Variants in ZNF614 observed in about 807,000 individuals in gnomAD.
ZNF614 encodes zinc finger protein 614.
In ZNF614, 11 loss-of-function variants were observed where a neutral mutation model predicts 12.8. The observed-to-expected ratio is 0.86, with a 90% CI of 0.54 to 1.43. The LOEUF (loss-of-function observed/expected upper bound fraction) is 1.43, where lower values mean the gene tolerates loss of function less well. ZNF614 is among the 40% of genes most tolerant of loss of function. The pLI is 0.00. For missense variants in ZNF614, 664 were observed against 708.8 expected (o/e 0.94, Z 0.72); for synonymous variants, 237 against 237.5 (o/e 1.00, Z 0.02).
rs1318701340 is a variant in ZNF614, at chr19:52,018,121, C to CA, written c.143-19dup. 1 of 1,599,354 alleles carries CA rather than the reference C, an allele frequency of 6.3e-7. No individual in the cohort carries two copies. The highest frequency in any genetic ancestry group is 1.3e-5 in the African/African-American group (1 of 74,644). On this transcript the variant is annotated intron_variant, in intron 3 of 4. Transcript: ENST00000270649. ...TTGATACCCTGTTCATGAGGAAAGA[C>CA]AAACACAAACATCCTGAATTGGAGT...
At chr19:52,026,618 C>G (rs879140142) in intron 1 of ZNF614, among the ~76,000 whole-genome samples, 1 of 152,196 alleles carries the variant, frequency 6.6e-6, no homozygotes. Context: ...GTCCCCTACC[C>G]CGACACCTGT....
chr19:52,022,818 T>A (rs575044702), intron 2 of ZNF614, among the ~76,000 whole-genome samples: 6 of 152,012 alleles, frequency 3.9e-5, no homozygotes, highest in Non-Finnish European at 8.8e-5. Context: ...AAGAAATGCA[T>A]AGGGCAAGAT....
At chr19:52,026,428 G>GTGCT (rs2086973230) in intron 1 of ZNF614, among the ~76,000 whole-genome samples, 1 of 152,208 alleles carries the variant, frequency 6.6e-6, no homozygotes, top group Non-Finnish European at 1.5e-5. Flanking sequence ...TGTTAAAAAC[G>GTGCT]TGCTTGAAGG....
At chr19:52,018,315 C>T (rs1022367037) in intron 3 of ZNF614, 53 bp downstream of exon 3, 114 of 1,612,266 alleles carry the variant, frequency 7.1e-5, no homozygotes, top group Middle Eastern at 3.7e-4. Context: ...GAGCATAGGA[C>T]GGTGTCTGGG....
In ZNF614 at chr19:52,015,039, G is replaced by A. The variant is rs1245347423; in HGVS notation, c.*801C>T. 1.3e-5 allele frequency: 2 copies of A among 152,124 alleles called. No individual in the cohort carries two copies. Among genetic ancestry groups the A allele is most frequent in the African/African-American group, 2.4e-5 (1 of 41,416 alleles). 9.4% of individuals were successfully genotyped at this position (152,124 alleles called of 1,614,324 possible). A position where few individuals can be genotyped will look rare whatever the true frequency, so the allele number is the denominator to read the frequency against. Reference sequence around the variant, plus strand: ...AGTAAAAATAAACAGTAATGAGACAGTATATTATGGAATCATTGGCAAGGC... The same window carrying A: ...AGTAAAAATAAACAGTAATGAGACAATATATTATGGAATCATTGGCAAGGC... On this transcript the variant is annotated 3_prime_UTR_variant, in exon 5 of 5. Coordinates refer to ENST00000270649, the MANE Select transcript of ZNF614 (RefSeq NM_025040.4).
At position 52,017,163 on chromosome 19, in the gene ZNF614, G is replaced by GAGAGAGACTTAAAC. The variant is rs1175555096; in HGVS notation, c.434_435insGTTTAAGTCTCTCT (p.Asn145LysfsTer13). The GAGAGAGACTTAAAC allele has an allele frequency of 6.2e-7, 1 of 1,614,098 alleles. No individual in the cohort carries two copies. Among genetic ancestry groups the GAGAGAGACTTAAAC allele is most frequent in the Non-Finnish European group, 8.5e-7 (1 of 1,180,006 alleles). On this transcript the variant is annotated frameshift_variant, in exon 5 of 5. Coordinates refer to ENST00000270649, the MANE Select transcript of ZNF614 (RefSeq NM_025040.4). LOFTEE classifies it low-confidence loss of function (END_TRUNC). ...TATTTATTCCATGTCTTCTCTTCTGGTTGATTAAACTTAAACTTGATTTCA... is the reference window on the plus strand; with the variant it reads ...TATTTATTCCATGTCTTCTCTTCTGGAGAGAGACTTAAACTTGATTAAACTTAAACTTGATTTCA...
Position 52,016,556 on chromosome 19 carries a change from A to G in ZNF614, c.1042T>C (p.Cys348Arg), listed in dbSNP as rs758389581. 5 of 1,614,150 alleles carry G rather than the reference A, an allele frequency of 3.1e-6. No homozygotes were observed. Among genetic ancestry groups the G allele is most frequent in the Non-Finnish European group, 4.2e-6 (5 of 1,179,964 alleles). Residue 348 changes from cysteine (C) to arginine (R), a missense_variant, in exon 5 of 5, where the codon TGT (cysteine) becomes CGT (arginine). Transcript: ENST00000270649. Reference protein sequence around the residue: ...TGEKPYICSECGKGFTMKRYL... With the variant: ...TGEKPYICSERGKGFTMKRYL... ...CGCTTCATGGTGAAGCCTTTTCCAC[A>G]TTCACTGCATATATAGGGTTTCTCC...
intron 4 of ZNF614, 198 bp from the exon 5 acceptor site, chr19:52,017,557 C>G: frequency 1.9e-6 from 1 of 516,164 alleles, no homozygotes; most frequent in Non-Finnish European, 3.4e-6. Flanking sequence ...CAAAATTAGC[C>G]GGGCGTGGTG....
chr19:52,022,391 G>A (rs1388031135), intron 2 of ZNF614, among the ~76,000 whole-genome samples: 1 of 151,608 alleles, frequency 6.6e-6, no homozygotes, highest in Non-Finnish European at 1.5e-5. Context: ...CCACACCACC[G>A]CCGCCATCTG....
At position 52,028,330 on chromosome 19, in the gene ZNF614, GC is replaced by G. The variant is rs1379193176; in HGVS notation, c.-306del. ...GCTTCCTATTCAGACGCGCTCCTGC[GC>G]GGACTCCGGGAAGCTGAGCGGTAAA... On this transcript the variant is annotated 5_prime_UTR_variant, in exon 1 of 5. Transcript: ENST00000270649. The G allele has an allele frequency of 5.3e-5, 8 of 150,530 alleles. No homozygotes were observed. The Admixed American group carries it at 5.3e-4, about 10-fold the overall frequency. 9.3% of individuals were successfully genotyped at this position (150,530 alleles called of 1,614,324 possible). A position where few individuals can be genotyped will look rare whatever the true frequency, so the allele number is the denominator to read the frequency against.
At chr19:52,025,986 G>A in intron 1 of ZNF614, 25 bp from the exon 2 acceptor site, 2 of 506,792 alleles carry the variant, frequency 3.9e-6, no homozygotes, top group Non-Finnish European at 7.1e-6. Flanking sequence ...GGCTTTCAGT[G>A]TACATTAACC....
chr19:52,023,510 T>C (rs986655450), intron 2 of ZNF614, among the ~76,000 whole-genome samples: 6 of 152,074 alleles, frequency 3.9e-5, no homozygotes, highest in African/African-American at 7.2e-5. Context: ...AATCCTCTAA[T>C]TGCTTGGTCT....
intron 2 of ZNF614, among the ~76,000 whole-genome samples, chr19:52,025,109 A>AAAAT (rs552038876): frequency 2.6e-5 from 4 of 152,164 alleles, no homozygotes; most frequent in Non-Finnish European, 4.4e-5. Context: ...ACTCTGTCTC[A>AAAAT]AAATAAATAA....
chr19:52,019,987 T>C (rs746272744), intron 2 of ZNF614, among the ~76,000 whole-genome samples: 8 of 152,242 alleles, frequency 5.3e-5, no homozygotes, highest in Non-Finnish European at 8.8e-5. Flanking sequence ...TTATGTGAGA[T>C]GTCTATCGAC....
In ZNF614 at chr19:52,017,222, T is replaced by C; in HGVS notation, c.376A>G (p.Asn126Asp). 1 of 1,614,146 alleles carries C rather than the reference T, an allele frequency of 6.2e-7. No homozygotes were observed. The highest frequency in any genetic ancestry group is 8.5e-7 in the Non-Finnish European group (1 of 1,180,026). Residue 126 changes from asparagine to aspartate, a missense_variant, in exon 5 of 5, where the codon AAT (asparagine) becomes GAT (aspartate). By Grantham distance (23) the Asn-to-Asp change is conservative. Coordinates refer to ENST00000270649, the MANE Select transcript of ZNF614 (RefSeq NM_025040.4). ...CTGTACAAGTCAAATGTATCATGAT[T>C]TTGCACTATAGGAAAATGTGTCTTG... Reference protein sequence around the residue: ...LSKTHFPIVQNHDTFDLYRKN... With the variant: ...LSKTHFPIVQDHDTFDLYRKN...
intron 2 of ZNF614, among the ~76,000 whole-genome samples, chr19:52,025,317 C>T (rs1281378840): frequency 2.6e-5 from 4 of 152,010 alleles, no homozygotes; most frequent in African/African-American, 9.7e-5. Flanking sequence ...CATATTGAGT[C>T]TACTTTTTTT....
At chr19:52,022,222 A>G (rs2086936597) in intron 2 of ZNF614, among the ~76,000 whole-genome samples, 1 of 152,222 alleles carries the variant, frequency 6.6e-6, no homozygotes, top group Non-Finnish European at 1.5e-5. Flanking sequence ...CAATTCTGAC[A>G]CTATCTTTGT....
intron 2 of ZNF614, among the ~76,000 whole-genome samples, chr19:52,020,024 C>T (rs1443543944): frequency 6.6e-6 from 1 of 152,190 alleles, no homozygotes; most frequent in Non-Finnish European, 1.5e-5. Context: ...TAAATTTCTA[C>T]CTCACTCCAC....
rs765546259 is a variant in ZNF614 at position 52,015,214 on chromosome 19, A to G, written c.*626T>C. The stretch of plus-strand genomic sequence containing the variant: ...CTTCATGAGCTGTTGATAGTTTGCT[A>G]AAGGTGTTCCACATTTATTTGATAG... On this transcript the variant is annotated 3_prime_UTR_variant, in exon 5 of 5. Transcript: ENST00000270649. 6.6e-6 allele frequency: 1 copy of G among 152,324 alleles called. No individual in the cohort carries two copies. The highest frequency in any genetic ancestry group is 6.5e-5 in the Admixed American group (1 of 15,288). The allele number at this position is 152,324 out of a possible 1,614,324, so 9.4% of individuals were successfully genotyped here.
Sources: gnomAD v4.1 joint callset for allele counts (sites outside exome capture counted in the v4.1 genomes callset) on GRCh38, gnomAD v4.1.1 for gene constraint, MANE v1.5 for transcripts, NCBI Gene and HGNC (gene_info 2026-07-23, HGNC 2026-07-21) for gene names.